MCTP2: variants seen among roughly 807,000 people sequenced by gnomAD.
MCTP2 encodes the protein multiple C2 and transmembrane domain-containing protein 2.
MCTP2 carries 132 observed loss-of-function variants against 111.6 expected under a neutral mutation model. The ratio of observed to expected loss-of-function variants is 1.18; its 90% CI spans 1.03 to 1.37. The LOEUF (loss-of-function observed/expected upper bound fraction) is 1.37. Ranked by LOEUF, MCTP2 falls within the 40% of genes most tolerant of loss-of-function variation. The probability of loss-of-function intolerance (pLI) is 0.00; values close to 1 mark genes in which losing one functional copy is unlikely to be tolerated. For synonymous variants in MCTP2, 395 were observed against 387.7 expected (o/e 1.02, Z -0.22); for missense variants, 1,183 against 1,067.9 (o/e 1.11, Z -1.50).
chr15:94,445,881 T>C (rs1033131382), intron 19 of MCTP2, among the ~76,000 whole-genome samples: 3 of 152,222 alleles, frequency 2.0e-5, no homozygotes, highest in African/African-American at 7.2e-5. Flanking sequence ...CACTCTTTAA[T>C]TGCCAGTGCT....
chr15:94,245,826 T>C (rs1567267612), intron 1 of MCTP2, among the ~76,000 whole-genome samples: 2 of 149,156 alleles, frequency 1.3e-5, no homozygotes, highest in Admixed American at 6.8e-5. Context: ...TTCTGATTGC[T>C]CCCCCCCCAG....
At chr15:94,415,014 G>C (rs1399700914) in intron 17 of MCTP2, among the ~76,000 whole-genome samples, 2 of 152,160 alleles carry the variant, frequency 1.3e-5, no homozygotes, top group African/African-American at 4.8e-5. Context: ...TCAGTGGACA[G>C]TAGTGCTCAT....
At position 94,313,499 on chromosome 15, in the gene MCTP2, G is replaced by A. The variant is rs539088177; in HGVS notation, c.466-783G>A. Among the ~76,000 whole-genome samples the A allele has an allele frequency of 3.9e-5, 6 of 152,136 alleles. No individual in the cohort carries two copies. The East Asian group carries it at 5.8e-4, about 15-fold the overall frequency. Reference sequence around the variant, plus strand: ...AGGCAGATCACGAGGTCAGGAGTCCGAGACCAGCCTGGCCAATATGGTGAA... The same window carrying A: ...AGGCAGATCACGAGGTCAGGAGTCCAAGACCAGCCTGGCCAATATGGTGAA... On this transcript the variant is annotated intron_variant, in intron 2 of 22. Transcript: ENST00000357742.
chr15:94,440,355 A>C, intron 18 of MCTP2, 57 bp downstream of exon 18: 2 of 1,601,226 alleles, frequency 1.2e-6, no homozygotes, highest in Non-Finnish European at 1.7e-6. Flanking sequence ...TTAACAACAA[A>C]CTACCACCAC....
chr15:94,323,201 G>T (rs1472536544), intron 4 of MCTP2, among the ~76,000 whole-genome samples: 1 of 152,212 alleles, frequency 6.6e-6, no homozygotes, highest in Admixed American at 6.5e-5. Flanking sequence ...TCACAAGGAA[G>T]TCTGGCTTCA....
chr15:94,325,609 T>C (rs1264569443), intron 4 of MCTP2, among the ~76,000 whole-genome samples: 1 of 152,182 alleles, frequency 6.6e-6, no homozygotes, highest in Admixed American at 6.5e-5. Context: ...AGGTCAGGTC[T>C]TATTTTCTGT....
rs183188197 is a variant in MCTP2 at position 94,351,172 on chromosome 15, T to C, written c.1006-4965T>C. On this transcript the variant is annotated intron_variant, in intron 8 of 22. Coordinates refer to ENST00000357742, the MANE Select transcript of MCTP2 (RefSeq NM_001385001.1). ...TGCAACTTCTGTGGACTTTTACATGTGGGAAATTTAAAAGGTTTTCTTTTT... is the reference window on the plus strand; with the variant it reads ...TGCAACTTCTGTGGACTTTTACATGCGGGAAATTTAAAAGGTTTTCTTTTT... Among the ~76,000 whole-genome samples the C allele has an allele frequency of 1.6e-3, 239 of 152,336 alleles. 3 individuals carry two copies. Among genetic ancestry groups the C allele is most frequent in the Non-Finnish European group, 4.1e-4 (28 of 68,022 alleles).
At chr15:94,400,552 A>G (rs1047645916) in intron 16 of MCTP2, among the ~76,000 whole-genome samples, 1 of 150,192 alleles carries the variant, frequency 6.7e-6, no homozygotes, top group Non-Finnish European at 1.5e-5. Flanking sequence ...CTCCTTTCTC[A>G]TTCAGTTCAA....
At chr15:94,474,058 A>G in intron 21 of MCTP2, among the ~76,000 whole-genome samples, 1 of 151,952 alleles carries the variant, frequency 6.6e-6, no homozygotes, top group East Asian at 1.9e-4. Flanking sequence ...TCCCAACAAA[A>G]TGTTATTCTT....
At chr15:94,388,479 T>C (rs1026083759) in intron 14 of MCTP2, among the ~76,000 whole-genome samples, 2 of 152,240 alleles carry the variant, frequency 1.3e-5, no homozygotes, top group African/African-American at 4.8e-5. Context: ...CTATCTAATA[T>C]TAGATATAAA....
At position 94,479,025 on chromosome 15, in the gene MCTP2, C is replaced by T. The variant is rs753776079; in HGVS notation, c.2628C>T (p.Ser876=). The change falls in exon 23 of 23, where the codon AGC becomes AGT. Residue 876 remains serine, a synonymous_variant. Transcript: ENST00000357742. ...ACAGCCCCCTGCGGAAGAAGCGCAG[C>T]GCTCTCTAGGGCACACACCGACTTT... ...SSHSPLRKKR[S]AL 1.9e-5 allele frequency: 30 copies of T among 1,614,044 alleles called. No individual in the cohort carries two copies. The East Asian group carries it at 2.2e-4, about 12-fold the overall frequency.
chr15:94,236,440 A>G (rs17547272), intron 1 of MCTP2, among the ~76,000 whole-genome samples: 133 of 128,750 alleles, frequency 1.0e-3, no homozygotes, highest in Admixed American at 2.6e-3. Context: ...CAGCGTGAGT[A>G]AGAATGTACA....
intron 2 of MCTP2, among the ~76,000 whole-genome samples, chr15:94,312,264 CAAAT>C (rs1296623150): frequency 5.3e-5 from 8 of 152,242 alleles, no homozygotes; most frequent in South Asian, 2.1e-4. Context: ...AAAACACATA[CAAAT>C]AAATCTATTG....
intron 17 of MCTP2, chr15:94,402,730 A>T (rs1054116370): frequency 1.4e-4 from 195 of 1,437,768 alleles, no homozygotes; most frequent in Non-Finnish European, 1.5e-4. Flanking sequence ...TCAAATTGGT[A>T]ATGTCAGCCA....
At chr15:94,324,209 G>A (rs775726222) in intron 4 of MCTP2, among the ~76,000 whole-genome samples, 2 of 152,240 alleles carry the variant, frequency 1.3e-5, no homozygotes, top group African/African-American at 4.8e-5. Flanking sequence ...CTCCAGGCCT[G>A]GCTTGAACTT....
intron 1 of MCTP2, among the ~76,000 whole-genome samples, chr15:94,271,352 C>T (rs912470973): frequency 6.6e-6 from 1 of 152,168 alleles, no homozygotes; most frequent in Non-Finnish European, 1.5e-5. Flanking sequence ...AAGCATGATA[C>T]TTGTATTCTT....
chr15:94,414,259 A>AT (rs538844278), intron 17 of MCTP2, among the ~76,000 whole-genome samples: 144 of 152,114 alleles, frequency 9.5e-4, no homozygotes, highest in African/African-American at 3.4e-3. Flanking sequence ...TGGATCCAGA[A>AT]TTTTTTTTAT....
At chr15:94,296,669 T>C (rs942939227) in intron 1 of MCTP2, among the ~76,000 whole-genome samples, 1 of 152,220 alleles carries the variant, frequency 6.6e-6, no homozygotes, top group Admixed American at 6.5e-5. Context: ...TTCTACTTTG[T>C]GTCATCGTAT....
intron 3 of MCTP2, 64 bp from the exon 4 acceptor site, chr15:94,315,465 T>A: frequency 8.4e-7 from 1 of 1,197,342 alleles, no homozygotes; most frequent in East Asian, 2.4e-5. Context: ...TCGAGAAGTA[T>A]TTCTGAAATT....
Sources: gnomAD v4.1 joint callset for allele counts (sites outside exome capture counted in the v4.1 genomes callset) on GRCh38, gnomAD v4.1.1 for gene constraint, MANE v1.5 for transcripts, NCBI Gene and HGNC (gene_info 2026-07-23, HGNC 2026-07-21) for gene names.